TANC2: variants seen among roughly 807,000 people sequenced by gnomAD.
The protein encoded by TANC2 is tetratricopeptide repeat, ankyrin repeat and coiled-coil containing 2.
In TANC2, 26 loss-of-function variants were observed where a neutral mutation model predicts 210.5. That is an observed-to-expected ratio of 0.12 (90% confidence interval 0.09 to 0.17). The LOEUF is 0.17. Ranked by LOEUF, TANC2 falls within the 10% of genes least tolerant of loss-of-function variation. The pLI is 1.00. For missense variants in TANC2, 2,129 were observed against 2,608.9 expected, an observed-to-expected ratio of 0.82 and a Z score of 4.01; for synonymous variants, 931 against 967.1, an observed-to-expected ratio of 0.96 and a Z score of 0.69.
chr17:63,238,909 C>T (rs1055365040), intron 8 of TANC2, among the ~76,000 whole-genome samples: 2 of 152,028 alleles, frequency 1.3e-5, no homozygotes, highest in Non-Finnish European at 2.9e-5. Flanking sequence ...CTCACTATCA[C>T]GAGAATAGCA....
chr17:63,148,418 A>G (rs1483363729), intron 4 of TANC2: 1 of 152,188 alleles, frequency 6.6e-6, no homozygotes, highest in Non-Finnish European at 1.5e-5. Flanking sequence ...GAGGCTTGGT[A>G]AGGCTAAATA....
chr17:63,278,760 T>G (rs1394379378), intron 9 of TANC2, among the ~76,000 whole-genome samples: 1 of 152,104 alleles, frequency 6.6e-6, no homozygotes, highest in African/African-American at 2.4e-5. Context: ...GAAAATGTGG[T>G]CTATATATCA....
At chr17:63,256,495 C>G (rs1380561619) in intron 8 of TANC2, among the ~76,000 whole-genome samples, 1 of 152,018 alleles carries the variant, frequency 6.6e-6, no homozygotes, top group Non-Finnish European at 1.5e-5. Context: ...TTCTTTAGTA[C>G]TTGGTCTGTG....
At chr17:63,099,740 C>T (rs919300790) in intron 4 of TANC2, among the ~76,000 whole-genome samples, 1 of 152,034 alleles carries the variant, frequency 6.6e-6, no homozygotes, top group Non-Finnish European at 1.5e-5. Context: ...AGCAAAGGTA[C>T]ATCAGTCGTA....
At chr17:63,250,630 A>G (rs534273338) in intron 8 of TANC2, among the ~76,000 whole-genome samples, 37 of 152,300 alleles carry the variant, frequency 2.4e-4, no homozygotes, top group Middle Eastern at 3.4e-3. Context: ...TAGCTGAAAC[A>G]TGAAATGTGC....
intron 7 of TANC2, among the ~76,000 whole-genome samples, chr17:63,235,001 A>G (rs1392048802): frequency 6.6e-6 from 1 of 152,184 alleles, no homozygotes; most frequent in Non-Finnish European, 1.5e-5. Context: ...ATTAAAGCTT[A>G]TGATCTAATA....
intron 14 of TANC2, among the ~76,000 whole-genome samples, chr17:63,360,955 T>G (rs985381041): frequency 3.5e-4 from 53 of 152,348 alleles, no homozygotes; most frequent in African/African-American, 1.3e-3. Flanking sequence ...TCCATCCATG[T>G]TGTTGTAAAT....
At position 63,352,781 on chromosome 17, in the gene TANC2, A is replaced by G. The variant is rs894196091; in HGVS notation, c.1974+1365A>G. ...GGTTTTAGAAAATGAGCCTTCATTT[A>G]TATTTGATCATCATTATTTCCACAA... On this transcript the variant is annotated intron_variant, in intron 13 of 27. Coordinates refer to ENST00000689528, the Ensembl canonical transcript of TANC2. Among the ~76,000 whole-genome samples, 10 of 152,288 alleles carry G rather than the reference A, an allele frequency of 6.6e-5. No individual in the cohort carries two copies. In the South Asian group the frequency reaches 2.1e-3, roughly 32 times the overall value.
chr17:63,322,060 A>G (rs903488590), intron 11 of TANC2, among the ~76,000 whole-genome samples: 6 of 152,204 alleles, frequency 3.9e-5, no homozygotes, highest in Non-Finnish European at 8.8e-5. Flanking sequence ...TTTCCCAGAT[A>G]CATTATTAAT....
chr17:63,314,279 G>A (rs922468314), intron 9 of TANC2, 109 bp from the exon 10 acceptor site: 3 of 1,192,282 alleles, frequency 2.5e-6, no homozygotes, highest in Non-Finnish European at 3.6e-6. Context: ...AGCCTAGGAT[G>A]CCATCATATG....
At position 63,340,217 on chromosome 17, in the gene TANC2, G is replaced by C. The variant is rs1222518321; in HGVS notation, c.1692G>C (p.Glu564Asp). Residue 564 changes from glutamate to aspartate, a missense_variant, in exon 12 of 28, where the codon GAG (glutamate) becomes GAC (aspartate). Glu to Asp is a conservative substitution (Grantham distance 45, BLOSUM62 2). Around this residue, in one of 5 missense-constraint regions of TANC2, gnomAD observed 739 missense variants for 848.0 expected, o/e 0.87. Coordinates refer to ENST00000689528, the Ensembl canonical transcript of TANC2. ...CACCTCAGCTGACAGCCTATCGGGAGCAGCTTCTTCGGGAACCTCACCTGC... is the reference window on the plus strand; with the variant it reads ...CACCTCAGCTGACAGCCTATCGGGACCAGCTTCTTCGGGAACCTCACCTGC... 2.5e-6 allele frequency: 4 copies of C among 1,613,936 alleles called. No homozygotes were observed. Among genetic ancestry groups the C allele is most frequent in the Non-Finnish European group, 2.5e-6 (3 of 1,179,886 alleles).
At chr17:63,247,809 C>T (rs1163625850) in intron 8 of TANC2, among the ~76,000 whole-genome samples, 2 of 152,062 alleles carry the variant, frequency 1.3e-5, no homozygotes, top group African/African-American at 4.8e-5. Flanking sequence ...AAAATTATTT[C>T]TTGTCAGTGT....
At chr17:63,319,234 A>G in intron 11 of TANC2, 144 bp downstream of exon 11, 2 of 883,614 alleles carry the variant, frequency 2.3e-6, no homozygotes, top group Non-Finnish European at 3.4e-6. Context: ...TTTCTTTGAT[A>G]TTCCTAGAAA....
intron 4 of TANC2, among the ~76,000 whole-genome samples, chr17:63,127,345 T>A (rs978804951): frequency 6.6e-6 from 1 of 152,206 alleles, no homozygotes. Flanking sequence ...ACTTCTAACT[T>A]AATTTTAATT....
chr17:62,974,912 A>G (rs1416447240), intron 1 of TANC2, among the ~76,000 whole-genome samples: 5 of 152,140 alleles, frequency 3.3e-5, no homozygotes, highest in Non-Finnish European at 7.4e-5. Flanking sequence ...AAAACTTGTC[A>G]TTCCAAATGG....
chr17:63,235,525 T>G (rs541289495), intron 7 of TANC2, among the ~76,000 whole-genome samples: 126 of 152,088 alleles, frequency 8.3e-4, no homozygotes, highest in Non-Finnish European at 1.6e-3. Flanking sequence ...CTTCTCTACC[T>G]TTTTCTAGTT....
chr17:63,201,346 G>A (rs1206843929), intron 7 of TANC2, among the ~76,000 whole-genome samples: 1 of 152,184 alleles, frequency 6.6e-6, no homozygotes, highest in African/African-American at 2.4e-5. Flanking sequence ...AAAGAGTTAT[G>A]ATTTGAGTTG....
At chr17:63,305,996 G>C (rs576264911) in intron 9 of TANC2, among the ~76,000 whole-genome samples, 11 of 152,220 alleles carry the variant, frequency 7.2e-5, no homozygotes, top group African/African-American at 2.4e-4. Flanking sequence ...GAGGAGCTTA[G>C]CTTAGATTTG....
At chr17:63,302,104 T>C (rs558122014) in intron 9 of TANC2, among the ~76,000 whole-genome samples, 27 of 152,362 alleles carry the variant, frequency 1.8e-4, no homozygotes, top group Non-Finnish European at 2.8e-4. Context: ...AGTTTCTTAA[T>C]CCTGAGTTCT....
Sources: gnomAD v4.1 joint callset for allele counts (sites outside exome capture counted in the v4.1 genomes callset) on GRCh38, gnomAD v4.1.1 for gene constraint, gnomAD v4.1.1 regional missense constraint, MANE v1.5 for transcripts, NCBI Gene and HGNC (gene_info 2026-07-23, HGNC 2026-07-21) for gene names.